GLCE: variants seen among roughly 807,000 people sequenced by gnomAD.
GLCE encodes D-glucuronyl C5-epimerase.
GLCE carries 19 observed loss-of-function variants against 47.9 expected under a neutral mutation model. That is an observed-to-expected ratio of 0.40 (90% CI 0.28 to 0.58). The LOEUF (loss-of-function observed/expected upper bound fraction) is 0.58, where lower values mean the gene tolerates loss of function less well. Ranked by LOEUF, GLCE falls within the 20% of genes least tolerant of loss-of-function variation. The pLI is 0.48. For missense variants in GLCE, 556 were observed against 743.3 expected, an observed-to-expected ratio of 0.75 and a Z score of 2.93; for synonymous variants, 245 against 263.4, an observed-to-expected ratio of 0.93 and a Z score of 0.68.
chr15:69,243,961 G>T (rs1460860073), intron 2 of GLCE, among the ~76,000 whole-genome samples: 1 of 152,130 alleles, frequency 6.6e-6, no homozygotes, highest in Non-Finnish European at 1.5e-5. Context: ...TTTATCTTTA[G>T]ATTCTTCTTT....
At chr15:69,248,362 A>T (rs2052785010) in intron 2 of GLCE, among the ~76,000 whole-genome samples, 5 of 152,218 alleles carry the variant, frequency 3.3e-5, no homozygotes. Flanking sequence ...AAAATCGGCC[A>T]ATATACAGCA....
intron 2 of GLCE, among the ~76,000 whole-genome samples, chr15:69,242,364 A>G (rs2052683839): frequency 6.6e-6 from 1 of 151,864 alleles, no homozygotes; most frequent in Admixed American, 6.6e-5. Context: ...TGTTTTCTGT[A>G]TGTTCAAGTC....
intron 1 of GLCE, among the ~76,000 whole-genome samples, chr15:69,195,149 G>A (rs1246097901): frequency 1.3e-5 from 2 of 152,052 alleles, no homozygotes; most frequent in Non-Finnish European, 1.5e-5. Context: ...CTATTTATTC[G>A]TGTCAGTGTG....
intron 2 of GLCE, among the ~76,000 whole-genome samples, chr15:69,241,987 A>G (rs2052678316): frequency 1.3e-5 from 2 of 152,148 alleles, no homozygotes; most frequent in South Asian, 2.1e-4. Context: ...CACCTTATCA[A>G]TTTCTGAGCC....
intron 1 of GLCE, among the ~76,000 whole-genome samples, chr15:69,201,265 C>T (rs1460923014): frequency 6.6e-6 from 1 of 152,086 alleles, no homozygotes; most frequent in African/African-American, 2.4e-5. Flanking sequence ...AGGGCACAGA[C>T]ATCTTTGGAG....
intron 1 of GLCE, among the ~76,000 whole-genome samples, chr15:69,163,441 T>C (rs928875774): frequency 6.6e-6 from 1 of 152,182 alleles, no homozygotes; most frequent in African/African-American, 2.4e-5. Flanking sequence ...AAGATTCAGC[T>C]CTCTTTTTTT....
At chr15:69,231,345 C>T (rs2052518098) in intron 2 of GLCE, among the ~76,000 whole-genome samples, 1 of 151,132 alleles carries the variant, frequency 6.6e-6, no homozygotes, top group African/African-American at 2.4e-5. Flanking sequence ...GTGCAGTGGC[C>T]TGATCTTGCC....
At chr15:69,161,157 C>G (rs367625318) in intron 1 of GLCE, among the ~76,000 whole-genome samples, 4 of 151,786 alleles carry the variant, frequency 2.6e-5, no homozygotes, top group Non-Finnish European at 4.4e-5. Context: ...ACCCGGGTCC[C>G]GAGCTCTTTG....
intron 2 of GLCE, among the ~76,000 whole-genome samples, chr15:69,217,670 T>C (rs560379010): frequency 1.1e-4 from 17 of 152,266 alleles, no homozygotes; most frequent in African/African-American, 3.9e-4. Context: ...ACTTCTGAAA[T>C]TGGGGTATTG....
chr15:69,253,653 A>G (rs2052880739), intron 2 of GLCE, among the ~76,000 whole-genome samples: 2 of 152,244 alleles, frequency 1.3e-5, no homozygotes, highest in African/African-American at 2.4e-5. Context: ...AAGATACTAC[A>G]TCTATTAAAC....
At chr15:69,225,835 G>A (rs2052438441) in intron 2 of GLCE, among the ~76,000 whole-genome samples, 1 of 152,116 alleles carries the variant, frequency 6.6e-6, no homozygotes. Context: ...ATATAAACAA[G>A]TTAAACTTTT....
At chr15:69,202,481 A>G (rs1393765481) in intron 1 of GLCE, among the ~76,000 whole-genome samples, 4 of 152,068 alleles carry the variant, frequency 2.6e-5, no homozygotes, top group Admixed American at 1.3e-4. Context: ...CTGTGTGCCG[A>G]GTGTGGGTCT....
chr15:69,186,724 A>T, intron 1 of GLCE, among the ~76,000 whole-genome samples: 1 of 152,118 alleles, frequency 6.6e-6, no homozygotes, highest in East Asian at 1.9e-4. Context: ...ATTCCCTAGA[A>T]TTTTTTTAAC....
At chr15:69,259,945 G>T (rs1483627321) in intron 3 of GLCE, among the ~76,000 whole-genome samples, 1 of 152,054 alleles carries the variant, frequency 6.6e-6, no homozygotes, top group Non-Finnish European at 1.5e-5. Context: ...ATTAATTTTA[G>T]AACTACAGAT....
At chr15:69,225,912 C>T (rs191134754) in intron 2 of GLCE, among the ~76,000 whole-genome samples, 2 of 152,234 alleles carry the variant, frequency 1.3e-5, no homozygotes, top group Admixed American at 1.3e-4. Context: ...CAGCTAAAAG[C>T]CTACATCCTT....
At chr15:69,220,955 C>A (rs1052907293) in intron 2 of GLCE, among the ~76,000 whole-genome samples, 6 of 152,170 alleles carry the variant, frequency 3.9e-5, no homozygotes, top group Non-Finnish European at 8.8e-5. Context: ...TGGTAAGGAT[C>A]CAGCTTCACT....
chr15:69,241,078 A>G (rs755754030), intron 2 of GLCE, among the ~76,000 whole-genome samples: 19 of 152,210 alleles, frequency 1.2e-4, no homozygotes, highest in Non-Finnish European at 2.6e-4. Context: ...CGTCGTCATC[A>G]TCATCATCAT....
intron 1 of GLCE, among the ~76,000 whole-genome samples, chr15:69,185,092 T>C (rs1157496205): frequency 6.6e-6 from 1 of 152,208 alleles, no homozygotes; most frequent in African/African-American, 2.4e-5. Context: ...TTTGCCTTGG[T>C]TGTGTTCTAA....
intron 2 of GLCE, among the ~76,000 whole-genome samples, chr15:69,245,313 A>T (rs915358665): frequency 7.5e-5 from 11 of 146,404 alleles, no homozygotes; most frequent in Non-Finnish European, 1.5e-4. Flanking sequence ...AGCCTGGGAG[A>T]CAGAGCAAGA....
Sources: gnomAD v4.1 joint callset for allele counts (sites outside exome capture counted in the v4.1 genomes callset) on GRCh38, gnomAD v4.1.1 for gene constraint, MANE v1.5 for transcripts, NCBI Gene and HGNC (gene_info 2026-07-23, HGNC 2026-07-21) for gene names.